Variants in GOLGA6L22 observed in about 807,000 individuals in gnomAD.
GOLGA6L22 encodes the protein golgin A6 family like 22.
GOLGA6L22 carries 28 observed loss-of-function variants against 77.1 expected under a neutral mutation model. That is an observed-to-expected ratio of 0.36 (90% CI 0.27 to 0.50). GOLGA6L22 has a LOEUF of 0.50. Among genes scored for constraint, GOLGA6L22 ranks in the 20% least tolerant of loss-of-function variants. GOLGA6L22 has a pLI of 0.97. For missense variants in GOLGA6L22, 250 were observed against 620.4 expected (o/e 0.40, Z 6.34); for synonymous variants, 62 against 185.3 (o/e 0.33, Z 5.41).
rs562003541 is a variant in GOLGA6L22, at chr15:22,466,893, C to T, written c.*68C>T. On this transcript the variant is annotated intron_variant, in intron 8 of 8. Coordinates refer to ENST00000622895, the Ensembl canonical transcript of GOLGA6L22. ...CAGAAGGCCGAGCTCTTGGGGGGAG[C>T]AGGCGGAGGTGTGTGCAAACCCTGG... The T allele has an allele frequency of 3.9e-4, 171 of 442,216 alleles. 7 individuals are homozygous for T. The African/African-American group carries it at 9.1e-3, about 24-fold the overall frequency. 27.4% of individuals were successfully genotyped at this position (442,216 alleles called of 1,614,324 possible). A position where few individuals can be genotyped will look rare whatever the true frequency, so the allele number is the denominator to read the frequency against.
Position 22,463,284 on chromosome 15 carries a change from G to C in GOLGA6L22, c.433-557G>C, listed in dbSNP as rs1233180237. ...ATAGCAATAACAATATTATCTGATC[G>C]CTCTGGGCCCCTGTTAGCCAGCTCT... is the stretch of plus-strand genomic sequence containing the variant. On this transcript the variant is annotated intron_variant, in intron 5 of 8. Coordinates refer to ENST00000622895, the Ensembl canonical transcript of GOLGA6L22. 4.7e-5 allele frequency among the ~76,000 whole-genome samples: 7 copies of C among 149,612 alleles called. No individual in the cohort carries two copies. In the East Asian group the frequency reaches 1.2e-3, roughly 25 times the overall value.
chr15:22,463,703 G>T lies in GOLGA6L22; in HGVS notation c.433-138G>T, dbSNP rs567202640. Reference sequence around the variant, plus strand: ...AAAAACAAATGAGACCATGGGCTTGGAAATGCCTTGAGAACACGTCAGGTG... The same window carrying T: ...AAAAACAAATGAGACCATGGGCTTGTAAATGCCTTGAGAACACGTCAGGTG... On this transcript the variant is annotated intron_variant, in intron 5 of 8. Transcript: ENST00000622895. 3,085 of 525,816 alleles carry T rather than the reference G, an allele frequency of 5.9e-3. 125 individuals carry two copies. Among genetic ancestry groups the T allele is most frequent in the Non-Finnish European group, 7.0e-3 (2,116 of 303,068 alleles). 32.6% of individuals were successfully genotyped at this position (525,816 alleles called of 1,614,324 possible).
At position 22,466,171 on chromosome 15, in the gene GOLGA6L22, A is replaced by C. The variant is rs762202435; in HGVS notation, c.1779A>C (p.Glu593Asp). 1.1e-5 allele frequency: 8 copies of C among 704,646 alleles called. No homozygotes were observed. The East Asian group carries it at 1.6e-4, about 14-fold the overall frequency. The allele number at this position is 704,646 out of a possible 1,614,324, so 43.6% of individuals were successfully genotyped here. Residue 593 changes from glutamate (E) to aspartate (D), a missense_variant, in exon 8 of 9, where the codon GAA becomes GAC. Transcript: ENST00000622895. ...GAGAGCAGGAGGAGATGATGCAGGA[A>C]CAGGAAGAGAAGATGGGGGAGCAGG...
In GOLGA6L22 at chr15:22,465,694, G is replaced by T. The variant is rs768600242; in HGVS notation, c.1302G>T (p.Val434=). 116 of 1,091,388 alleles carry T rather than the reference G, an allele frequency of 1.1e-4. 2 individuals are homozygous for T. The highest frequency in any genetic ancestry group is 1.3e-4 in the Non-Finnish European group (107 of 794,488). The allele number at this position is 1,091,388 out of a possible 1,614,324, so 67.6% of individuals were successfully genotyped here. A position where few individuals can be genotyped will look rare whatever the true frequency, so the allele number is the denominator to read the frequency against. Residue 434 remains valine, a synonymous_variant, in exon 8 of 9, where the codon GTG becomes GTT. Coordinates refer to ENST00000622895, the Ensembl canonical transcript of GOLGA6L22. ...AGATACGGAAGCAGGAGGAGAAGGT[G>T]TGGAGGCAGGAGGAGAAGATGCACG... is the stretch of plus-strand genomic sequence containing the variant.
At position 22,465,952 on chromosome 15, in the gene GOLGA6L22, GATGTGGAGGCAGGAGGA is replaced by G; in HGVS notation, c.1561_1577del (p.Met521GlufsTer248). 2.2e-6 allele frequency: 2 copies of G among 919,778 alleles called. No individual in the cohort carries two copies. The highest frequency in any genetic ancestry group is 2.9e-6 in the Non-Finnish European group (2 of 679,332). 57.0% of individuals were successfully genotyped at this position (919,778 alleles called of 1,614,324 possible). A position where few individuals can be genotyped will look rare whatever the true frequency, so the allele number is the denominator to read the frequency against. On this transcript the variant is annotated frameshift_variant, in exon 8 of 9. Coordinates refer to ENST00000622895, the Ensembl canonical transcript of GOLGA6L22. LOFTEE classifies it high-confidence loss of function. ...AGAAGAGGCAGGAGCAGGAGGATAAGATGTGGAGGCAGGAGGAGAAGATACGGGAGCAGGAGGAGAAG... is the reference window on the plus strand; with the variant it reads ...AGAAGAGGCAGGAGCAGGAGGATAAGGAAGATACGGGAGCAGGAGGAGAAG...
intron 5 of GOLGA6L22, among the ~76,000 whole-genome samples, chr15:22,463,383 C>T (rs1336110727): frequency 3.6e-5 from 5 of 140,656 alleles, no homozygotes; most frequent in Non-Finnish European, 6.1e-5. Flanking sequence ...CAGGTGCTCT[C>T]GCTCACGCCT....
chr15:22,464,297 GA>G lies in GOLGA6L22; in HGVS notation c.563del (p.Lys188SerfsTer8), dbSNP rs1362024358. ...AGAAAAACTTCAACTTGTAGAATCTGAAAAGTCTGAGATCCAGCTCAACGTA... is the reference window on the plus strand; with the variant it reads ...AGAAAAACTTCAACTTGTAGAATCTGAAAGTCTGAGATCCAGCTCAACGTA... On this transcript the variant is annotated frameshift_variant, in exon 7 of 9. Coordinates refer to ENST00000622895, the Ensembl canonical transcript of GOLGA6L22. LOFTEE classifies it high-confidence loss of function. The G allele has an allele frequency of 7.7e-6, 4 of 521,804 alleles. No individual in the cohort carries two copies. The highest frequency in any genetic ancestry group is 1.3e-5 in the Non-Finnish European group (4 of 314,730). 32.3% of individuals were successfully genotyped at this position (521,804 alleles called of 1,614,324 possible). A position where few individuals can be genotyped will look rare whatever the true frequency, so the allele number is the denominator to read the frequency against.
rs1887679836 is a variant in GOLGA6L22 at position 22,465,806 on chromosome 15, G to T, written c.1414G>T (p.Glu472Ter). 1 of 1,415,492 alleles carries T rather than the reference G, an allele frequency of 7.1e-7. No homozygotes were observed. Among genetic ancestry groups the T allele is most frequent in the Admixed American group, 2.2e-5 (1 of 45,608 alleles). The allele number at this position is 1,415,492 out of a possible 1,614,324, so 87.7% of individuals were successfully genotyped here. Residue 472 changes from glutamate (E) to a stop codon, truncating the protein, a stop_gained, in exon 8 of 9, where the codon GAG (glutamate) becomes TAG (stop). Coordinates refer to ENST00000622895, the Ensembl canonical transcript of GOLGA6L22. LOFTEE classifies it high-confidence loss of function. The stretch of plus-strand genomic sequence containing the variant: ...GGAGCAGGAGAAGAAACGGGAGCAG[G>T]AGGAGAAGATGTGGAGGCAGGAGGA...
upstream of GOLGA6L22, chr15:22,459,058 C>A: frequency 9.8e-6 from 1 of 102,314 alleles, no homozygotes; most frequent in Non-Finnish European, 1.6e-5. Context: ...CCCCACCTCC[C>A]TACCCATCCC....
exon 8 of GOLGA6L22, chr15:22,465,741 AGCAGGAGGAGAAGGTGTGGAG>A (rs1228538250): frequency 7.6e-7 from 1 of 1,323,940 alleles, no homozygotes; most frequent in Non-Finnish European, 1.0e-6. Flanking sequence ...AAGATACGGG[AGCAGGAGGAGAAGGTGTGGAG>A]GCAGGAGGAG....
chr15:22,464,814 A>AT (rs1371610597), intron 7 of GOLGA6L22, among the ~76,000 whole-genome samples: 2 of 121,584 alleles, frequency 1.6e-5, no homozygotes, highest in African/African-American at 7.3e-5. Flanking sequence ...CACCCAGCTA[A>AT]TTTTTTGTAT....
exon 9 of GOLGA6L22, chr15:22,468,899 G>A (rs1947423246): frequency 1.2e-5 from 1 of 83,244 alleles, no homozygotes; most frequent in Non-Finnish European, 2.1e-5. Context: ...AAATGCACAG[G>A]TCTGGTTTAC....
exon 8 of GOLGA6L22, chr15:22,466,399 G>T: frequency 7.1e-7 from 1 of 1,409,200 alleles, no homozygotes; most frequent in East Asian, 2.5e-5. Context: ...AGATTTGGGA[G>T]CAGGAAGAGA....
At chr15:22,464,840 G>A (rs1236823321) in intron 7 of GOLGA6L22, among the ~76,000 whole-genome samples, 183 bp from the exon 8 acceptor site, 1 of 125,328 alleles carries the variant, frequency 8.0e-6, no homozygotes, top group African/African-American at 3.5e-5. Flanking sequence ...GTAGAGACGG[G>A]GTTTCACTGT....
intron 8 of GOLGA6L22, 116 bp downstream of exon 8, chr15:22,466,941 C>A: frequency 2.7e-6 from 1 of 375,320 alleles, no homozygotes; most frequent in Admixed American, 6.4e-5. Context: ...ACGACCTCAC[C>A]ACAACTTAGC....
At chr15:22,461,690 G>A (rs1329422034) in intron 2 of GOLGA6L22, among the ~76,000 whole-genome samples, 1 of 75,652 alleles carries the variant, frequency 1.3e-5, no homozygotes. Context: ...TCCTGGCCTG[G>A]GGAATAGAGT....
intron 7 of GOLGA6L22, among the ~76,000 whole-genome samples, 185 bp from the exon 8 acceptor site, chr15:22,464,838 G>A (rs1473045320): frequency 5.6e-5 from 7 of 124,844 alleles, no homozygotes; most frequent in South Asian, 2.7e-4. Flanking sequence ...TAGTAGAGAC[G>A]GGGTTTCACT....
In GOLGA6L22 at chr15:22,465,782, G is replaced by T. The variant is rs774107858; in HGVS notation, c.1390G>T (p.Glu464Ter). ...GTGGAGGCAGGAGGAGAAGATACGGGAGCAGGAGAAGAAACGGGAGCAGGA... is the reference window on the plus strand; with the variant it reads ...GTGGAGGCAGGAGGAGAAGATACGGTAGCAGGAGAAGAAACGGGAGCAGGA... Residue 464 changes from glutamate to a stop codon, truncating the protein, a stop_gained, in exon 8 of 9, where the codon GAG (glutamate) becomes TAG (stop). Coordinates refer to ENST00000622895, the Ensembl canonical transcript of GOLGA6L22. LOFTEE classifies it high-confidence loss of function. 11 of 1,397,702 alleles carry T rather than the reference G, an allele frequency of 7.9e-6. 2 individuals carry two copies. The South Asian group carries it at 1.5e-4, about 19-fold the overall frequency. The allele number at this position is 1,397,702 out of a possible 1,614,324, so 86.6% of individuals were successfully genotyped here. A position where few individuals can be genotyped will look rare whatever the true frequency, so the allele number is the denominator to read the frequency against.
rs1211828060 is a variant in GOLGA6L22, at chr15:22,461,939, C to T, written c.181-95C>T. On this transcript the variant is annotated intron_variant, in intron 2 of 8. Coordinates refer to ENST00000622895, the Ensembl canonical transcript of GOLGA6L22. Reference sequence around the variant, plus strand: ...CTGATAAACTGGTCCCATGGGTGGGCCTGTTCTGGGACAGTGGTGCCATTC... The same window carrying T: ...CTGATAAACTGGTCCCATGGGTGGGTCTGTTCTGGGACAGTGGTGCCATTC... 7 of 1,275,684 alleles carry T rather than the reference C, an allele frequency of 5.5e-6. 3 individuals are homozygous for T. The African/African-American group carries it at 1.4e-4, about 26-fold the overall frequency. The allele number at this position is 1,275,684 out of a possible 1,614,324, so 79.0% of individuals were successfully genotyped here. A position where few individuals can be genotyped will look rare whatever the true frequency, so the allele number is the denominator to read the frequency against.
Sources: allele counts gnomAD v4.1 joint callset (sites outside exome capture counted in the v4.1 genomes callset), GRCh38; gene constraint gnomAD v4.1.1; transcripts MANE v1.5; gene names NCBI Gene and HGNC (gene_info 2026-07-23, HGNC 2026-07-21).